Variants in PPARGC1A observed in about 807,000 individuals in gnomAD.
PPARGC1A encodes the protein PPARG coactivator 1 alpha.
In PPARGC1A, 25 loss-of-function variants were observed where a neutral mutation model predicts 88.7. The observed-to-expected ratio is 0.28, with a 90% CI of 0.21 to 0.39. The LOEUF is 0.39. Among genes scored for constraint, PPARGC1A ranks in the 10% least tolerant of loss-of-function variants. The pLI, the probability that PPARGC1A is intolerant of heterozygous loss-of-function variation, is 1.00. For synonymous variants in PPARGC1A, 363 were observed against 355.6 expected (o/e 1.02, Z -0.24); for missense variants, 880 against 968.7 (o/e 0.91, Z 1.22).
At chr4:24,469,978 C>A in the PPARGC1A span, among the ~76,000 whole-genome samples, 1 of 152,158 alleles carries the variant, frequency 6.6e-6, no homozygotes, top group Non-Finnish European at 1.5e-5. Context: ...GTTAAAGATG[C>A]TGCGAAACCT....
At chr4:24,149,830 T>A in the PPARGC1A span, among the ~76,000 whole-genome samples, 4 of 152,186 alleles carry the variant, frequency 2.6e-5, no homozygotes, top group Admixed American at 1.3e-4. Flanking sequence ...TTAAGAGGGT[T>A]CTTCCTGGCC....
the PPARGC1A span, among the ~76,000 whole-genome samples, chr4:24,082,166 C>G: frequency 6.6e-6 from 1 of 152,180 alleles, no homozygotes; most frequent in Non-Finnish European, 1.5e-5. Context: ...GTTCAAAGCC[C>G]TTGCGGCAGC....
the PPARGC1A span, among the ~76,000 whole-genome samples, chr4:24,220,103 GC>G: frequency 6.6e-6 from 1 of 152,076 alleles, no homozygotes; most frequent in Non-Finnish European, 1.5e-5. Context: ...CATACGAGCA[GC>G]CAACAAACAT....
the PPARGC1A span, among the ~76,000 whole-genome samples, chr4:24,377,593 G>T: frequency 2.6e-5 from 4 of 152,202 alleles, no homozygotes; most frequent in South Asian, 6.2e-4. Flanking sequence ...ATCATAGGAT[G>T]GTTTCGTGGG....
At chr4:24,299,142 G>A in the PPARGC1A span, among the ~76,000 whole-genome samples, 1 of 152,098 alleles carries the variant, frequency 6.6e-6, no homozygotes, top group African/African-American at 2.4e-5. Flanking sequence ...TACACAGATT[G>A]AACACAAAGA....
chr4:24,319,524 G>C, the PPARGC1A span, among the ~76,000 whole-genome samples: 1 of 152,024 alleles, frequency 6.6e-6, no homozygotes, highest in African/African-American at 2.4e-5. Context: ...TGGGCCATAA[G>C]GCAAGACCCA....
upstream of PPARGC1A, among the ~76,000 whole-genome samples, chr4:23,894,936 T>G (rs1028675307): frequency 2.0e-5 from 3 of 152,158 alleles, no homozygotes; most frequent in African/African-American, 7.2e-5. Context: ...TATTGATTAT[T>G]TAGACAATAA....
the PPARGC1A span, among the ~76,000 whole-genome samples, chr4:24,250,246 T>C: frequency 1.2e-4 from 19 of 152,220 alleles, no homozygotes; most frequent in African/African-American, 4.3e-4. Context: ...GCTGGTTACA[T>C]TCTGGTTTCC....
At chr4:24,091,320 G>A in the PPARGC1A span, 1 of 461,686 alleles carries the variant, frequency 2.2e-6, no homozygotes, top group African/African-American at 2.1e-5. Flanking sequence ...GGTTTGCAAA[G>A]ACGTGGACAC....
the PPARGC1A span, among the ~76,000 whole-genome samples, chr4:24,028,790 T>A: frequency 9.1e-4 from 139 of 152,300 alleles, no homozygotes; most frequent in African/African-American, 2.9e-3. Flanking sequence ...ATCCTGTATG[T>A]CCCTAGTTCA....
At chr4:24,021,018 G>A in the PPARGC1A span, among the ~76,000 whole-genome samples, 1 of 152,212 alleles carries the variant, frequency 6.6e-6, no homozygotes, top group African/African-American at 2.4e-5. Flanking sequence ...CAACTGCCCA[G>A]TCTTCTTGGC....
chr4:24,308,293 GAAAAA>G, the PPARGC1A span, among the ~76,000 whole-genome samples: 8 of 72,932 alleles, frequency 1.1e-4, no homozygotes, highest in South Asian at 1.2e-3. Context: ...CTCTGCCACC[GAAAAA>G]AAAAAAAAAA....
At chr4:23,880,002 A>G (rs1715601045) in intron 2 of PPARGC1A, 1 of 152,136 alleles carries the variant, frequency 6.6e-6, no homozygotes, top group African/African-American at 2.4e-5. Context: ...GGCTTTGTGA[A>G]TTTATTCTTG....
At chr4:24,296,006 G>GTGTGTATA in the PPARGC1A span, among the ~76,000 whole-genome samples, 2 of 150,652 alleles carry the variant, frequency 1.3e-5, no homozygotes, top group Non-Finnish European at 3.0e-5. Flanking sequence ...GTGTATGTAT[G>GTGTGTATA]TGTGTATATA....
the PPARGC1A span, among the ~76,000 whole-genome samples, chr4:24,456,492 G>A: frequency 2.0e-5 from 3 of 152,078 alleles, no homozygotes; most frequent in South Asian, 6.2e-4. Context: ...CTGAAGTTGA[G>A]GATAATAAAA....
the PPARGC1A span, among the ~76,000 whole-genome samples, chr4:23,987,885 A>T: frequency 6.6e-6 from 1 of 151,772 alleles, no homozygotes; most frequent in Non-Finnish European, 1.5e-5. Flanking sequence ...GGTTTGCTGC[A>T]CCCATCAACC....
the PPARGC1A span, among the ~76,000 whole-genome samples, chr4:24,064,810 G>A: frequency 1.3e-5 from 2 of 151,624 alleles, no homozygotes; most frequent in Admixed American, 6.6e-5. Context: ...CTAGCTGATC[G>A]CCCATCATAC....
the PPARGC1A span, among the ~76,000 whole-genome samples, chr4:23,965,206 A>G: frequency 2.7e-4 from 41 of 152,266 alleles, no homozygotes; most frequent in Non-Finnish European, 4.6e-4. Context: ...GAGATTCCTT[A>G]TGGTCCTAGA....
the PPARGC1A span, among the ~76,000 whole-genome samples, chr4:24,219,684 T>G: frequency 6.6e-6 from 1 of 152,206 alleles, no homozygotes; most frequent in African/African-American, 2.4e-5. Context: ...CTTCTGGTAC[T>G]AGTCATAAAT....
Sources: gnomAD v4.1 joint callset for allele counts (sites outside exome capture counted in the v4.1 genomes callset) on GRCh38, gnomAD v4.1.1 for gene constraint, MANE v1.5 for transcripts, NCBI Gene and HGNC (gene_info 2026-07-23, HGNC 2026-07-21) for gene names.